Variants in MYOF observed in about 807,000 individuals in gnomAD.
MYOF encodes myoferlin.
In MYOF, 244 loss-of-function variants were observed where a neutral mutation model predicts 284.2. The observed-to-expected ratio is 0.86, with a 90% CI of 0.77 to 0.95. The LOEUF (loss-of-function observed/expected upper bound fraction) is 0.95, where lower values mean the gene tolerates loss of function less well. MYOF is among the 40% of genes least tolerant of loss of function. MYOF has a pLI of 0.00. For synonymous variants in MYOF, 904 were observed against 919.7 expected (o/e 0.98, Z 0.31); for missense variants, 2,496 against 2,560.6 (o/e 0.97, Z 0.54).
intron 42 of MYOF, 142 bp from the exon 43 acceptor site, chr10:93,333,454 GGAGCAA>G (rs1843432911): frequency 1.2e-5 from 9 of 781,666 alleles, no homozygotes; most frequent in Non-Finnish European, 1.7e-5. Flanking sequence ...CTAAGACAAG[GGAGCAA>G]TGCTCTCCTT....
rs1018889082 is a variant in MYOF at position 93,445,708 on chromosome 10, C to T, written c.236+6342G>A. Reference sequence around the variant, plus strand: ...CCCATGCGGGTGTGGGCATGGAGCCCAGCTGACCGAGGCAGCTGGGAACTG... The same window carrying T: ...CCCATGCGGGTGTGGGCATGGAGCCTAGCTGACCGAGGCAGCTGGGAACTG... On this transcript the variant is annotated intron_variant, in intron 3 of 53. Coordinates refer to ENST00000359263, the MANE Select transcript of MYOF (RefSeq NM_013451.4). Among the ~76,000 whole-genome samples, 6 of 152,316 alleles carry T rather than the reference C, an allele frequency of 3.9e-5. No individual in the cohort carries two copies. The East Asian group carries it at 1.2e-3, about 29-fold the overall frequency.
chr10:93,480,827 G>C (rs1564750083), intron 1 of MYOF, among the ~76,000 whole-genome samples: 2 of 152,108 alleles, frequency 1.3e-5, no homozygotes, highest in Non-Finnish European at 2.9e-5. Flanking sequence ...CTCAGAGAGA[G>C]AGGTTTAAGA....
At chr10:93,480,221 C>T (rs1401470873) in intron 1 of MYOF, among the ~76,000 whole-genome samples, 2 of 152,062 alleles carry the variant, frequency 1.3e-5, no homozygotes, top group African/African-American at 2.4e-5. Flanking sequence ...CCATGATATT[C>T]ACTAGCCAGA....
chr10:93,400,689 G>T (rs1847245241), intron 12 of MYOF, among the ~76,000 whole-genome samples: 1 of 152,064 alleles, frequency 6.6e-6, no homozygotes, highest in Non-Finnish European at 1.5e-5. Flanking sequence ...GCAAATAGGA[G>T]GCTGGGCCAT....
At chr10:93,397,862 T>A (rs1847097235) in intron 13 of MYOF, among the ~76,000 whole-genome samples, 1 of 152,024 alleles carries the variant, frequency 6.6e-6, no homozygotes, top group Non-Finnish European at 1.5e-5. Flanking sequence ...AGTCTTTCCA[T>A]CGCTCTTCAT....
chr10:93,323,025 G>A (rs1842903048), intron 48 of MYOF, 53 bp downstream of exon 48: 1 of 1,515,230 alleles, frequency 6.6e-7, no homozygotes, highest in Non-Finnish European at 9.2e-7. Flanking sequence ...AACTCACGAA[G>A]GAGAGAGTCT....
rs923874969 is a variant in MYOF at position 93,430,466 on chromosome 10, C to T, written c.345+942G>A. On this transcript the variant is annotated intron_variant, in intron 4 of 53. Transcript: ENST00000359263. ...GCATGGTGGCACGTGCCTATAATCCCAGCTACTCAGGAGGCTGAGGTAGAA... is the reference window on the plus strand; with the variant it reads ...GCATGGTGGCACGTGCCTATAATCCTAGCTACTCAGGAGGCTGAGGTAGAA... 2.0e-5 allele frequency among the ~76,000 whole-genome samples: 3 copies of T among 151,402 alleles called. No individual in the cohort carries two copies. The East Asian group carries it at 5.9e-4, about 30-fold the overall frequency.
chr10:93,431,634 A>G (rs1338688850), intron 3 of MYOF, 118 bp from the exon 4 acceptor site: 6 of 699,506 alleles, frequency 8.6e-6, no homozygotes, highest in Non-Finnish European at 1.4e-5. Flanking sequence ...CTATAATGAG[A>G]TGTGGGCCAT....
intron 26 of MYOF, among the ~76,000 whole-genome samples, chr10:93,365,066 T>C (rs929539488): frequency 5.3e-5 from 8 of 152,182 alleles, no homozygotes; most frequent in African/African-American, 1.9e-4. Context: ...CCCATTTTCC[T>C]TTCCCTCACC....
At chr10:93,328,657 TG>T in intron 45 of MYOF, 105 bp downstream of exon 45, 1 of 1,174,816 alleles carries the variant, frequency 8.5e-7, no homozygotes, top group Non-Finnish European at 1.2e-6. Flanking sequence ...CAGTCTCATG[TG>T]GTATAATTAG....
intron 40 of MYOF, among the ~76,000 whole-genome samples, chr10:93,336,605 C>T (rs118095272): frequency 8.2e-4 from 125 of 152,178 alleles, no homozygotes; most frequent in Middle Eastern, 6.8e-3. Context: ...GAAAGGGACA[C>T]GGGGAAGTTT....
chr10:93,370,470 C>T (rs987037297), intron 24 of MYOF, among the ~76,000 whole-genome samples: 1 of 147,888 alleles, frequency 6.8e-6, no homozygotes, highest in Non-Finnish European at 1.5e-5. Context: ...TGCCACCATG[C>T]CTGGCTAATT....
At chr10:93,357,234 T>C (rs1432537832) in intron 29 of MYOF, among the ~76,000 whole-genome samples, 2 of 152,252 alleles carry the variant, frequency 1.3e-5, no homozygotes, top group East Asian at 3.8e-4. Context: ...AGTATCTCCA[T>C]TTTACATATG....
intron 26 of MYOF, 69 bp downstream of exon 26, chr10:93,366,318 GATATA>G (rs1350303453): frequency 1.0e-5 from 15 of 1,454,160 alleles, no homozygotes; most frequent in East Asian, 4.5e-5. Flanking sequence ...TGATGACGGA[GATATA>G]ATATATTTAG....
At chr10:93,366,349 G>T in intron 26 of MYOF, 43 bp downstream of exon 26, 1 of 1,585,806 alleles carries the variant, frequency 6.3e-7, no homozygotes, top group East Asian at 2.2e-5. Flanking sequence ...TCTAGAGAAA[G>T]ATTTCATTGC....
intron 16 of MYOF, among the ~76,000 whole-genome samples, chr10:93,394,794 T>A (rs1010308805): frequency 1.7e-4 from 26 of 150,570 alleles, no homozygotes; most frequent in Non-Finnish European, 3.1e-4. Flanking sequence ...TTTTTTTCAC[T>A]TCTGGAGAGA....
rs748167650 is a variant in MYOF at position 93,361,470 on chromosome 10, G to C, written c.2956C>G (p.Arg986Gly). ...ATGTTACCTTTCTCATCCACCGCTCGATTTATGTCATAAGACCATGCATCA... is the reference window on the plus strand; with the variant it reads ...ATGTTACCTTTCTCATCCACCGCTCCATTTATGTCATAAGACCATGCATCA... Reference protein sequence around the residue: ...EDDAWSYDINRAVDEKGWEYG... With the variant: ...EDDAWSYDINGAVDEKGWEYG... Residue 986 changes from arginine (R) to glycine (G), a missense_variant, in exon 28 of 54, where the codon CGA becomes GGA. Physicochemically the swap from Arg to Gly is moderately radical, Grantham distance 125. Around this residue, in one of 3 missense-constraint regions of MYOF, gnomAD observed 2,436 missense variants for 2,480.7 expected, o/e 0.98. Coordinates refer to ENST00000359263, the MANE Select transcript of MYOF (RefSeq NM_013451.4). 1.9e-6 allele frequency: 3 copies of C among 1,614,100 alleles called. No homozygotes were observed. The highest frequency in any genetic ancestry group is 2.5e-6 in the Non-Finnish European group (3 of 1,179,972).
chr10:93,387,897 T>C lies in MYOF; in HGVS notation c.1598A>G (p.Tyr533Cys). The change falls in exon 19 of 54, where the codon TAC becomes TGC. Residue 533 changes from tyrosine to cysteine, a missense_variant. Tyr to Cys is a radical substitution (Grantham distance 194, BLOSUM62 -2). Coordinates refer to ENST00000359263, the MANE Select transcript of MYOF (RefSeq NM_013451.4). ...LNTGKGEGVAYRGRILVELAT... is the reference protein window; with the variant it reads ...LNTGKGEGVACRGRILVELAT... The stretch of plus-strand genomic sequence containing the variant: ...TAATTCAACCAAGATCCTGCCTCTG[T>C]AGGCAACTCCTTCCCCCTGAAAGGC... 6.2e-7 allele frequency: 1 copy of C among 1,613,832 alleles called. No individual in the cohort carries two copies. Among genetic ancestry groups the C allele is most frequent in the East Asian group, 2.2e-5 (1 of 44,874 alleles).
Position 93,333,328 on chromosome 10 carries a change from G to C in MYOF, c.4720-16C>G. On this transcript the variant is annotated splice_polypyrimidine_tract_variant and intron_variant, in intron 42 of 53. Coordinates refer to ENST00000359263, the MANE Select transcript of MYOF (RefSeq NM_013451.4). ...AAGGGTCACACTGTGGGACAAAATA[G>C]ACGGGATGTTACATCATTGTAGGGC... 1 of 1,606,150 alleles carries C rather than the reference G, an allele frequency of 6.2e-7. No individual in the cohort carries two copies. Among genetic ancestry groups the C allele is most frequent in the Non-Finnish European group, 8.5e-7 (1 of 1,172,708 alleles).
Sources: gnomAD v4.1 joint callset for allele counts (sites outside exome capture counted in the v4.1 genomes callset) on GRCh38, gnomAD v4.1.1 for gene constraint, gnomAD v4.1.1 regional missense constraint, MANE v1.5 for transcripts, NCBI Gene and HGNC (gene_info 2026-07-23, HGNC 2026-07-21) for gene names.